IQCH: variants seen among roughly 807,000 people sequenced by gnomAD.
IQCH encodes the protein IQ domain-containing protein H.
IQCH carries 98 observed loss-of-function variants against 117.0 expected under a neutral mutation model. The ratio of observed to expected loss-of-function variants is 0.84; its 90% CI spans 0.71 to 0.99. The LOEUF (loss-of-function observed/expected upper bound fraction) is 0.99, where lower values mean the gene tolerates loss of function less well. Ranked by LOEUF, IQCH falls within the 50% of genes least tolerant of loss-of-function variation. The pLI is 0.00. For synonymous variants in IQCH, 412 were observed against 448.2 expected (o/e 0.92, Z 1.02); for missense variants, 1,102 against 1,243.8 (o/e 0.89, Z 1.72).
chr15:67,423,542 C>T (rs1323610517), intron 16 of IQCH, among the ~76,000 whole-genome samples: 2 of 149,010 alleles, frequency 1.3e-5, no homozygotes, highest in African/African-American at 2.5e-5. Context: ...GAGCCAGGAT[C>T]GCATCACTGC....
chr15:67,300,933 C>G (rs539363509), intron 4 of IQCH, among the ~76,000 whole-genome samples: 2 of 152,264 alleles, frequency 1.3e-5, no homozygotes, highest in African/African-American at 2.4e-5. Context: ...GAGCTCCCTG[C>G]TTCTGTGCAG....
intron 4 of IQCH, among the ~76,000 whole-genome samples, chr15:67,285,734 T>C (rs1264058193): frequency 6.6e-6 from 1 of 152,148 alleles, no homozygotes; most frequent in Non-Finnish European, 1.5e-5. Context: ...CCTTTTTTTG[T>C]CAGGTTTGTC....
chr15:67,353,923 A>G (rs956342362), intron 6 of IQCH, among the ~76,000 whole-genome samples: 10 of 152,174 alleles, frequency 6.6e-5, no homozygotes, highest in African/African-American at 2.4e-4. Context: ...TTATTAGATA[A>G]TTTGAAATGG....
At position 67,425,499 on chromosome 15, in the gene IQCH, C is replaced by T. The variant is rs554434681; in HGVS notation, c.2505+3922C>T. Among the ~76,000 whole-genome samples, 1 of 152,196 alleles carries T rather than the reference C, an allele frequency of 6.6e-6. No individual in the cohort carries two copies. Among genetic ancestry groups the T allele is most frequent in the Non-Finnish European group, 1.5e-5 (1 of 68,032 alleles). On this transcript the variant is annotated intron_variant, in intron 16 of 20. Transcript: ENST00000335894. The surrounding 1 kb of genome is among the most constrained non-coding windows in gnomAD (Gnocchi z 5.5). ...TGGTGGCATGTGCCTGTAGTCCCAG[C>T]TGCCCGGGAGGCTAAGGCAGGAGAA...
chr15:67,275,044 T>C (rs1233727491), intron 3 of IQCH, among the ~76,000 whole-genome samples: 3 of 152,190 alleles, frequency 2.0e-5, no homozygotes, highest in African/African-American at 7.2e-5. Context: ...GTACTGCCAC[T>C]CTGATTTGGT....
chr15:67,339,509 T>C (rs1042073989), intron 5 of IQCH, among the ~76,000 whole-genome samples: 1 of 152,204 alleles, frequency 6.6e-6, no homozygotes, highest in Non-Finnish European at 1.5e-5. Flanking sequence ...TTTATTTTCA[T>C]GTCTATAGAT....
At chr15:67,337,602 G>T (rs1968952948) in intron 5 of IQCH, among the ~76,000 whole-genome samples, 1 of 152,090 alleles carries the variant, frequency 6.6e-6, no homozygotes, top group Non-Finnish European at 1.5e-5. Flanking sequence ...AGTATCTCTA[G>T]CACCTAGAAC....
intron 16 of IQCH, among the ~76,000 whole-genome samples, chr15:67,428,290 A>C (rs1300926758): frequency 6.6e-6 from 1 of 152,240 alleles, no homozygotes. Flanking sequence ...TGATAATTTT[A>C]TAAAAAGAAA....
At position 67,385,561 on chromosome 15, in the gene IQCH, A is replaced by G. The variant is rs758160566; in HGVS notation, c.1456+542A>G. On this transcript the variant is annotated intron_variant, in intron 11 of 20. Transcript: ENST00000335894. This position sits in a 1 kb window ranked among gnomAD's most constrained non-coding sequence, Gnocchi z 4.6. ...TAGAAATACAGACCTTGATTCAGTG[A>G]TGTATACATCTTTGTAAAAGTCAGG... 7.9e-5 allele frequency among the ~76,000 whole-genome samples: 12 copies of G among 152,182 alleles called. No homozygotes were observed. Among genetic ancestry groups the G allele is most frequent in the Non-Finnish European group, 1.8e-4 (12 of 68,028 alleles).
At position 67,500,582 on chromosome 15, in the gene IQCH, G is replaced by C. The variant is rs751825402; in HGVS notation, c.2971-51G>C. The C allele has an allele frequency of 3.3e-6, 3 of 895,970 alleles. No homozygotes were observed. The highest frequency in any genetic ancestry group is 5.3e-6 in the Non-Finnish European group (3 of 562,770). The allele number at this position is 895,970 out of a possible 1,614,324, so 55.5% of individuals were successfully genotyped here. A position where few individuals can be genotyped will look rare whatever the true frequency, so the allele number is the denominator to read the frequency against. On this transcript the variant is annotated intron_variant, in intron 20 of 20. Transcript: ENST00000335894. This position sits in a 1 kb window ranked among gnomAD's most constrained non-coding sequence, Gnocchi z 4.4. ...TCCCAAAAGGACCAGATGCTTGGGG[G>C]AGAGGGATTGTAAGAGGTCTTTAAG... is the stretch of plus-strand genomic sequence containing the variant.
Position 67,458,750 on chromosome 15 carries a change from A to G in IQCH, c.2506-6377A>G, listed in dbSNP as rs916975292. ...ACTCTAGAAAAAATCAAGTGGTCCA[A>G]TGCTGGATTTTCTGTCGAACTGGGG... is the stretch of plus-strand genomic sequence containing the variant. On this transcript the variant is annotated intron_variant, in intron 16 of 20. Coordinates refer to ENST00000335894, the MANE Select transcript of IQCH (RefSeq NM_001031715.3). The surrounding 1 kb of genome is among the most constrained non-coding windows in gnomAD (Gnocchi z 4.1). Among the ~76,000 whole-genome samples the G allele has an allele frequency of 1.3e-5, 2 of 152,316 alleles. No individual in the cohort carries two copies. The highest frequency in any genetic ancestry group is 1.9e-4 in the East Asian group (1 of 5,182).
intron 16 of IQCH, among the ~76,000 whole-genome samples, chr15:67,448,677 A>G (rs1469384185): frequency 2.6e-5 from 4 of 152,122 alleles, no homozygotes; most frequent in Non-Finnish European, 5.9e-5. Flanking sequence ...TAGTGCCGCA[A>G]TAAACATATG....
chr15:67,373,332 T>C (rs989900186), intron 9 of IQCH, 35 bp from the exon 10 acceptor site: 4 of 1,497,456 alleles, frequency 2.7e-6, no homozygotes, highest in Non-Finnish European at 3.7e-6. Flanking sequence ...CACTACAGCT[T>C]CCTGTCACTG....
intron 3 of IQCH, among the ~76,000 whole-genome samples, chr15:67,271,632 G>T (rs1030690018): frequency 6.6e-6 from 1 of 151,954 alleles, no homozygotes; most frequent in Non-Finnish European, 1.5e-5. Context: ...TTTCTTTATG[G>T]TTCAATCTTG....
Position 67,474,341 on chromosome 15 carries a change from C to G in IQCH, c.2677-1355C>G, listed in dbSNP as rs532385922. ...GGTACCTAGTTGCCCAGCACCTGTGCGTCACCACAGTTCAAGAGCCAAGCC... is the reference window on the plus strand; with the variant it reads ...GGTACCTAGTTGCCCAGCACCTGTGGGTCACCACAGTTCAAGAGCCAAGCC... On this transcript the variant is annotated intron_variant, in intron 17 of 20. Transcript: ENST00000335894. This position sits in a 1 kb window ranked among gnomAD's most constrained non-coding sequence, Gnocchi z 4.1. 2.0e-5 allele frequency among the ~76,000 whole-genome samples: 3 copies of G among 152,096 alleles called. No homozygotes were observed. The East Asian group carries it at 5.8e-4, about 29-fold the overall frequency.
chr15:67,272,347 T>C (rs540384530), intron 3 of IQCH, among the ~76,000 whole-genome samples: 2 of 152,312 alleles, frequency 1.3e-5, no homozygotes, highest in Admixed American at 6.5e-5. Context: ...TCTAAGAATG[T>C]TCTCTATTCT....
intron 4 of IQCH, among the ~76,000 whole-genome samples, chr15:67,313,845 T>C (rs577951814): frequency 6.6e-6 from 1 of 152,330 alleles, no homozygotes; most frequent in African/African-American, 2.4e-5. Context: ...TAGAATGATC[T>C]CTATCCCTTG....
At position 67,384,575 on chromosome 15, in the gene IQCH, A is replaced by C. The variant is rs1277079911; in HGVS notation, c.1373-361A>C. Among the ~76,000 whole-genome samples the C allele has an allele frequency of 6.6e-6, 1 of 152,160 alleles. No homozygotes were observed. The highest frequency in any genetic ancestry group is 2.4e-5 in the African/African-American group (1 of 41,438). ...TACCACATAAGAAGCTCACATTAAGAAGCCAAAACGATATTTTTTTTAACC... is the reference window on the plus strand; with the variant it reads ...TACCACATAAGAAGCTCACATTAAGCAGCCAAAACGATATTTTTTTTAACC... On this transcript the variant is annotated intron_variant, in intron 10 of 20. Coordinates refer to ENST00000335894, the MANE Select transcript of IQCH (RefSeq NM_001031715.3). This position sits in a 1 kb window ranked among gnomAD's most constrained non-coding sequence, Gnocchi z 4.3.
intron 4 of IQCH, among the ~76,000 whole-genome samples, chr15:67,327,545 C>G (rs551553470): frequency 2.2e-4 from 34 of 152,172 alleles, no homozygotes; most frequent in Non-Finnish European, 4.6e-4. Flanking sequence ...TGGACTACAT[C>G]TTCCTATTTC....
Sources: gnomAD v4.1 joint callset for allele counts (sites outside exome capture counted in the v4.1 genomes callset) on GRCh38, gnomAD v4.1.1 for gene constraint, Gnocchi (gnomAD v3.1) non-coding constraint, MANE v1.5 for transcripts, NCBI Gene and HGNC (gene_info 2026-07-23, HGNC 2026-07-21) for gene names.